The following RNF130 variants were observed in gnomAD, a reference collection of about 807,000 sequenced individuals.
RNF130 encodes the protein E3 ubiquitin-protein ligase RNF130.
A neutral mutation model predicts 44.6 loss-of-function variants in RNF130; 21 were observed. The observed-to-expected ratio is 0.47, with a 90% confidence interval of 0.33 to 0.68. The LOEUF is 0.68. Ranked by LOEUF, RNF130 falls within the 30% of genes least tolerant of loss-of-function variation. The pLI is 0.02. For synonymous variants in RNF130, 214 were observed against 210.4 expected (o/e 1.02, Z -0.15); for missense variants, 479 against 560.6 (o/e 0.85, Z 1.47).
At chr5:180,015,313 G>A (rs757725827) in intron 2 of RNF130, 2 of 531,764 alleles carry the variant, frequency 3.8e-6, no homozygotes, top group South Asian at 2.8e-5. Context: ...TAAGATACCA[G>A]GTATGGCTAT....
At chr5:180,064,614 T>C (rs1765057401) in intron 1 of RNF130, among the ~76,000 whole-genome samples, 1 of 152,360 alleles carries the variant, frequency 6.6e-6, no homozygotes, top group Non-Finnish European at 1.5e-5. Flanking sequence ...ATTTTATTGT[T>C]ATGTTCATTT....
At chr5:180,018,923 A>T (rs904800062) in intron 2 of RNF130, among the ~76,000 whole-genome samples, 2 of 152,206 alleles carry the variant, frequency 1.3e-5, no homozygotes, top group Admixed American at 1.3e-4. Flanking sequence ...ATAAAGGAAG[A>T]TCCAGGAAGA....
At chr5:179,930,259 C>T (rs917191725) in intron 7 of RNF130, among the ~76,000 whole-genome samples, 16 of 152,054 alleles carry the variant, frequency 1.1e-4, no homozygotes, top group East Asian at 1.9e-4. Flanking sequence ...GGTTTCACCA[C>T]GTTGGTCAGG....
intron 3 of RNF130, among the ~76,000 whole-genome samples, chr5:180,007,907 A>G (rs917104272): frequency 1.3e-5 from 2 of 152,078 alleles, no homozygotes; most frequent in African/African-American, 4.8e-5. Context: ...TTGCCTGTCA[A>G]CAACACCACT....
At chr5:180,041,469 C>T (rs1561703691) in intron 1 of RNF130, among the ~76,000 whole-genome samples, 2 of 152,234 alleles carry the variant, frequency 1.3e-5, no homozygotes, top group African/African-American at 2.4e-5. Context: ...TCAGAGTAAG[C>T]GCCTCAATTT....
chr5:180,019,858 T>G (rs1000987731), intron 2 of RNF130, among the ~76,000 whole-genome samples: 1 of 152,136 alleles, frequency 6.6e-6, no homozygotes, highest in African/African-American at 2.4e-5. Flanking sequence ...ACTCAAGCAC[T>G]GGGGAGCCAC....
At chr5:179,969,005 T>C (rs565996686) in intron 6 of RNF130, among the ~76,000 whole-genome samples, 29 of 152,362 alleles carry the variant, frequency 1.9e-4, no homozygotes, top group African/African-American at 7.0e-4. Flanking sequence ...CTGTATACAC[T>C]GAAACTGTGT....
intron 3 of RNF130, among the ~76,000 whole-genome samples, chr5:179,995,696 G>A (rs1231748381): frequency 6.6e-6 from 1 of 152,184 alleles, no homozygotes; most frequent in East Asian, 1.9e-4. Flanking sequence ...CTGTGGCCTG[G>A]ATTGCACACT....
chr5:179,966,193 G>A (rs936053663), intron 7 of RNF130, among the ~76,000 whole-genome samples: 3 of 152,164 alleles, frequency 2.0e-5, no homozygotes, highest in Admixed American at 6.5e-5. Context: ...CTAGTCGACA[G>A]TGCAATGTGA....
Position 179,993,053 on chromosome 5 carries a change from C to T in RNF130, c.694-12853G>A, listed in dbSNP as rs530145167. Among the ~76,000 whole-genome samples the T allele has an allele frequency of 7.2e-5, 11 of 152,318 alleles. No homozygotes were observed. The East Asian group carries it at 2.1e-3, about 29-fold the overall frequency. On this transcript the variant is annotated intron_variant, in intron 3 of 8. Coordinates refer to ENST00000521389, the MANE Select transcript of RNF130 (RefSeq NM_018434.6). ...TCCATGTCCCTAAAAAGGACATGAACACATCCTTTTTTATGGCTGCATAGT... is the reference window on the plus strand; with the variant it reads ...TCCATGTCCCTAAAAAGGACATGAATACATCCTTTTTTATGGCTGCATAGT...
chr5:179,947,344 A>G (rs1229206457), intron 7 of RNF130, among the ~76,000 whole-genome samples: 3 of 152,184 alleles, frequency 2.0e-5, no homozygotes, highest in Non-Finnish European at 4.4e-5. Flanking sequence ...GCCCTAGGAC[A>G]CGTCTCTCAC....
chr5:179,995,972 A>G (rs1763188806), intron 3 of RNF130, among the ~76,000 whole-genome samples: 1 of 152,212 alleles, frequency 6.6e-6, no homozygotes, highest in African/African-American at 2.4e-5. Context: ...AAACCCATAC[A>G]AAGATTGTGT....
intron 3 of RNF130, among the ~76,000 whole-genome samples, chr5:180,005,925 CT>C (rs1405412953): frequency 2.6e-5 from 4 of 152,096 alleles, no homozygotes. Context: ...ACACTATGAT[CT>C]TAAGAGCATA....
intron 1 of RNF130, among the ~76,000 whole-genome samples, chr5:180,069,410 TCACCCCCACCCC>T (rs985840400): frequency 6.9e-6 from 1 of 144,494 alleles, no homozygotes; most frequent in Non-Finnish European, 1.5e-5. Flanking sequence ...TCCCCCACCC[TCACCCCCACCCC>T]GAGAAAACCT....
chr5:179,985,840 A>G (rs1762940532), intron 3 of RNF130, among the ~76,000 whole-genome samples: 1 of 152,114 alleles, frequency 6.6e-6, no homozygotes, highest in Admixed American at 6.5e-5. Context: ...TTTCCCCCCA[A>G]ATAGGGCACT....
At chr5:179,968,407 T>C (rs1232558258) in intron 6 of RNF130, among the ~76,000 whole-genome samples, 1 of 152,156 alleles carries the variant, frequency 6.6e-6, no homozygotes, top group Admixed American at 6.5e-5. Flanking sequence ...GGCTCACGCC[T>C]GTAATCCCGG....
intron 3 of RNF130, among the ~76,000 whole-genome samples, chr5:179,987,164 TTTC>T (rs1380520621): frequency 1.3e-5 from 2 of 152,106 alleles, no homozygotes; most frequent in African/African-American, 4.8e-5. Context: ...CCTTCCTTTC[TTTC>T]TTCTATTTTT....
intron 7 of RNF130, among the ~76,000 whole-genome samples, chr5:179,941,505 T>C (rs935810894): frequency 1.3e-5 from 2 of 152,126 alleles, no homozygotes; most frequent in African/African-American, 4.8e-5. Flanking sequence ...TGGTGGCCCA[T>C]GAATTCCGAG....
intron 8 of RNF130, 31 bp downstream of exon 8, chr5:179,963,440 A>C: frequency 6.5e-7 from 1 of 1,537,746 alleles, no homozygotes; most frequent in Non-Finnish European, 9.0e-7. Context: ...ATCATCTGGC[A>C]CATGCAATCC....
Sources: gnomAD v4.1 joint callset for allele counts (sites outside exome capture counted in the v4.1 genomes callset) on GRCh38, gnomAD v4.1.1 for gene constraint, MANE v1.5 for transcripts, NCBI Gene and HGNC (gene_info 2026-07-23, HGNC 2026-07-21) for gene names.